TBC1D19: variants seen among roughly 807,000 people sequenced by gnomAD.
TBC1D19 encodes the protein TBC1 domain family, member 19.
TBC1D19 carries 60 observed loss-of-function variants against 89.0 expected under a neutral mutation model. That is an observed-to-expected ratio of 0.67 (90% CI 0.55 to 0.84). The LOEUF (loss-of-function observed/expected upper bound fraction) is 0.84. Among genes scored for constraint, TBC1D19 ranks in the 40% least tolerant of loss-of-function variants. The pLI is 0.00. For missense variants in TBC1D19, 500 were observed against 610.8 expected (o/e 0.82, Z 1.91); for synonymous variants, 189 against 199.7 (o/e 0.95, Z 0.45).
intron 13 of TBC1D19, among the ~76,000 whole-genome samples, chr4:26,689,238 A>G (rs1327020233): frequency 6.6e-6 from 1 of 152,104 alleles, no homozygotes; most frequent in Admixed American, 6.6e-5. Flanking sequence ...TAACCCCAGA[A>G]ACAATTTTAA....
At chr4:26,775,300 A>T in the TBC1D19 span, among the ~76,000 whole-genome samples, 4 of 152,164 alleles carry the variant, frequency 2.6e-5, no homozygotes, top group Non-Finnish European at 2.9e-5. Flanking sequence ...AAACATTTTT[A>T]AAAATTAACC....
rs1424117580 is a variant in TBC1D19, at chr4:26,756,025, AC to A, written c.*1079del. On this transcript the variant is annotated 3_prime_UTR_variant, in exon 21 of 21. Transcript: ENST00000264866. ...TCAAATTTAAGATGCTGATCACTTC[AC>A]TAAAACTGTAAATCAGTAGATTGAT... Among the ~76,000 whole-genome samples the A allele has an allele frequency of 2.0e-5, 3 of 152,236 alleles. No homozygotes were observed. Among genetic ancestry groups the A allele is most frequent in the African/African-American group, 7.2e-5 (3 of 41,454 alleles).
intron 12 of TBC1D19, 68 bp downstream of exon 12, chr4:26,683,817 C>T: frequency 7.8e-7 from 1 of 1,275,956 alleles, no homozygotes; most frequent in South Asian, 1.3e-5. Context: ...CTTCAGTATG[C>T]AGAGCCTGTG....
intron 15 of TBC1D19, 149 bp from the exon 16 acceptor site, chr4:26,735,306 G>T: frequency 5.1e-6 from 3 of 590,298 alleles, no homozygotes; most frequent in Non-Finnish European, 5.9e-6. Flanking sequence ...TCTCTTTATT[G>T]TTTACTATCA....
chr4:26,757,414 C>A (rs944337113), downstream of TBC1D19, among the ~76,000 whole-genome samples: 2 of 152,182 alleles, frequency 1.3e-5, no homozygotes, highest in Non-Finnish European at 2.9e-5. Context: ...CTGACACCCC[C>A]TTCACATCTG....
At chr4:26,694,916 A>T (rs940160231) in intron 13 of TBC1D19, among the ~76,000 whole-genome samples, 1 of 152,188 alleles carries the variant, frequency 6.6e-6, no homozygotes, top group African/African-American at 2.4e-5. Flanking sequence ...CAAAGACCAA[A>T]GGTAGATAAA....
chr4:26,842,668 TTC>T, the TBC1D19 span, among the ~76,000 whole-genome samples: 1 of 144,114 alleles, frequency 6.9e-6, no homozygotes, highest in African/African-American at 2.7e-5. Context: ...TTTCCTTTCT[TTC>T]TCTTATTTTT....
chr4:26,626,217 G>T (rs1361933493), intron 4 of TBC1D19, among the ~76,000 whole-genome samples: 1 of 152,062 alleles, frequency 6.6e-6, no homozygotes, highest in Non-Finnish European at 1.5e-5. Flanking sequence ...GAGAAGTTCT[G>T]CAGGAAAGAA....
intron 8 of TBC1D19, 40 bp from the exon 9 acceptor site, chr4:26,666,293 G>C (rs1711800773): frequency 6.5e-7 from 1 of 1,528,294 alleles, no homozygotes; most frequent in Non-Finnish European, 9.0e-7. Context: ...GTGCAGCAAA[G>C]TCTGAGATCT....
chr4:26,851,262 G>A, the TBC1D19 span, among the ~76,000 whole-genome samples: 37 of 141,208 alleles, frequency 2.6e-4, no homozygotes, highest in South Asian at 5.3e-3. Context: ...ATGGGATTTC[G>A]CAGCCTCCAT....
At chr4:26,725,133 G>A (rs1439328301) in intron 15 of TBC1D19, among the ~76,000 whole-genome samples, 1 of 152,204 alleles carries the variant, frequency 6.6e-6, no homozygotes, top group Non-Finnish European at 1.5e-5. Context: ...TCAGGAATGT[G>A]AGCCATGGTC....
At chr4:26,662,690 G>A (rs181348231) in intron 8 of TBC1D19, among the ~76,000 whole-genome samples, 70 of 152,258 alleles carry the variant, frequency 4.6e-4, no homozygotes, top group African/African-American at 1.5e-3. Flanking sequence ...AGGAATCAGT[G>A]TGGCATCTTA....
At chr4:26,651,174 G>C (rs114898227) in intron 7 of TBC1D19, among the ~76,000 whole-genome samples, 3,828 of 152,238 alleles carry the variant, frequency 0.025, 169 homozygotes, top group African/African-American at 0.087. Flanking sequence ...TGTTCTTTTG[G>C]CTTAGTATTG....
the TBC1D19 span, among the ~76,000 whole-genome samples, chr4:26,797,365 T>C: frequency 7.1e-3 from 1,076 of 152,230 alleles, 14 homozygotes; most frequent in Non-Finnish European, 0.012. Flanking sequence ...CAAGGACAAC[T>C]ACAAAACACT....
chr4:26,606,008 T>C (rs927365922), intron 1 of TBC1D19, among the ~76,000 whole-genome samples: 16 of 152,210 alleles, frequency 1.1e-4, no homozygotes, highest in Non-Finnish European at 2.4e-4. Context: ...AACAAAAGCA[T>C]TCTTGGGTTC....
chr4:26,642,656 C>A (rs1743626468), intron 7 of TBC1D19, among the ~76,000 whole-genome samples: 1 of 152,112 alleles, frequency 6.6e-6, no homozygotes, highest in Admixed American at 6.6e-5. Context: ...AGAGTCAAGA[C>A]CTATCAGTGT....
At chr4:26,666,458 G>T in intron 9 of TBC1D19, 53 bp downstream of exon 9, 3 of 1,424,046 alleles carry the variant, frequency 2.1e-6, no homozygotes, top group Non-Finnish European at 1.9e-6. Flanking sequence ...GTGAGCCTAA[G>T]GTTTATATTG....
the TBC1D19 span, among the ~76,000 whole-genome samples, chr4:26,835,035 A>C: frequency 3.9e-5 from 6 of 152,202 alleles, no homozygotes; most frequent in Admixed American, 1.3e-4. Context: ...CCACCTCTTA[A>C]TCACTGAAAT....
In TBC1D19 at chr4:26,637,171, T is replaced by C. The variant is rs368464410; in HGVS notation, c.295-40T>C. On this transcript the variant is annotated intron_variant, in intron 4 of 20. Coordinates refer to ENST00000264866, the MANE Select transcript of TBC1D19 (RefSeq NM_018317.4). Reference sequence around the variant, plus strand: ...TTAATTTTTTTATTAGTTTTAGTATTGTTACTGGAAAAGATAATTGATTGT... The same window carrying C: ...TTAATTTTTTTATTAGTTTTAGTATCGTTACTGGAAAAGATAATTGATTGT... 18 of 1,394,008 alleles carry C rather than the reference T, an allele frequency of 1.3e-5. No individual in the cohort carries two copies. The African/African-American group carries it at 2.3e-4, about 18-fold the overall frequency. 86.4% of individuals were successfully genotyped at this position (1,394,008 alleles called of 1,614,324 possible). A position where few individuals can be genotyped will look rare whatever the true frequency, so the allele number is the denominator to read the frequency against.
Sources: allele counts gnomAD v4.1 joint callset (sites outside exome capture counted in the v4.1 genomes callset), GRCh38; gene constraint gnomAD v4.1.1; transcripts MANE v1.5; gene names NCBI Gene and HGNC (gene_info 2026-07-23, HGNC 2026-07-21).